The following NLGN1 variants were observed in gnomAD, a reference collection of about 807,000 sequenced individuals.
NLGN1 encodes the protein neuroligin-1.
In NLGN1, 12 loss-of-function variants were observed where a neutral mutation model predicts 65.5. That is an observed-to-expected ratio of 0.18 (90% CI 0.12 to 0.30). The LOEUF (loss-of-function observed/expected upper bound fraction) is 0.30, where lower values mean the gene tolerates loss of function less well. Among genes scored for constraint, NLGN1 ranks in the 10% least tolerant of loss-of-function variants. The pLI is 1.00. For synonymous variants in NLGN1, 350 were observed against 359.5 expected, an observed-to-expected ratio of 0.97 and a Z score of 0.30; for missense variants, 750 against 1,007.1, an observed-to-expected ratio of 0.74 and a Z score of 3.46.
At chr3:173,713,302 A>C (rs1291153434) in intron 3 of NLGN1, among the ~76,000 whole-genome samples, 1 of 152,160 alleles carries the variant, frequency 6.6e-6, no homozygotes, top group Admixed American at 6.5e-5. Context: ...TCTTTATGCA[A>C]TGAAATATTT....
chr3:173,471,468 C>A (rs1725306983), intron 2 of NLGN1, among the ~76,000 whole-genome samples: 1 of 152,032 alleles, frequency 6.6e-6, no homozygotes, highest in South Asian at 2.1e-4. Flanking sequence ...GGCGTTCTAT[C>A]TGTGTATGTA....
chr3:173,725,531 A>C (rs926169013), intron 3 of NLGN1, among the ~76,000 whole-genome samples: 3 of 152,224 alleles, frequency 2.0e-5, no homozygotes, highest in African/African-American at 7.2e-5. Flanking sequence ...CCAAAATATT[A>C]CTGATTTGTT....
At chr3:173,827,145 G>GA (rs998568197) in intron 4 of NLGN1, among the ~76,000 whole-genome samples, 1 of 151,854 alleles carries the variant, frequency 6.6e-6, no homozygotes, top group Non-Finnish European at 1.5e-5. Context: ...GTAAAGGTCA[G>GA]AAAAAAACAA....
intron 4 of NLGN1, among the ~76,000 whole-genome samples, chr3:174,152,390 A>T (rs1442418064): frequency 6.6e-6 from 1 of 152,088 alleles, no homozygotes; most frequent in African/African-American, 2.4e-5. Context: ...TTAAAGATTT[A>T]AAAATACAAA....
intron 3 of NLGN1, among the ~76,000 whole-genome samples, chr3:173,799,176 T>G (rs1452932885): frequency 1.3e-5 from 2 of 152,018 alleles, no homozygotes; most frequent in African/African-American, 4.8e-5. Flanking sequence ...CTTACTGCTA[T>G]GTGATTGGCT....
intron 4 of NLGN1, among the ~76,000 whole-genome samples, chr3:173,858,475 G>T (rs1417372894): frequency 6.6e-6 from 1 of 151,862 alleles, no homozygotes; most frequent in Admixed American, 6.6e-5. Flanking sequence ...TAGGTTCTGG[G>T]TAAAATGCTA....
chr3:173,875,396 G>A (rs1731930144), intron 4 of NLGN1, among the ~76,000 whole-genome samples: 1 of 152,094 alleles, frequency 6.6e-6, no homozygotes, highest in South Asian at 2.1e-4. Context: ...CTATTCATTT[G>A]TAAAAGGGAT....
chr3:173,743,902 T>C (rs900816792), intron 3 of NLGN1, among the ~76,000 whole-genome samples: 1 of 152,152 alleles, frequency 6.6e-6, no homozygotes, highest in Admixed American at 6.6e-5. Context: ...CAGTAAAACA[T>C]GTCAGAGGAG....
At chr3:174,139,807 A>G (rs886408146) in intron 4 of NLGN1, among the ~76,000 whole-genome samples, 8 of 152,160 alleles carry the variant, frequency 5.3e-5, no homozygotes, top group African/African-American at 1.9e-4. Context: ...TGGCCATTCT[A>G]ATAGATATGT....
At chr3:174,047,805 T>TAAA (rs373900247) in intron 4 of NLGN1, among the ~76,000 whole-genome samples, 3 of 145,522 alleles carry the variant, frequency 2.1e-5, no homozygotes, top group Admixed American at 1.4e-4. Context: ...TTTGAGATAG[T>TAAA]AAAAAAAAAA....
chr3:174,040,858 A>T (rs1428938797), intron 4 of NLGN1, among the ~76,000 whole-genome samples: 1 of 152,152 alleles, frequency 6.6e-6, no homozygotes, highest in South Asian at 2.1e-4. Context: ...CTACAAATTT[A>T]TTCATCAATT....
At chr3:173,473,368 G>A (rs1235373852) in intron 2 of NLGN1, among the ~76,000 whole-genome samples, 2 of 152,148 alleles carry the variant, frequency 1.3e-5, no homozygotes, top group East Asian at 1.9e-4. Flanking sequence ...CTATGCATTT[G>A]GATCATTGAC....
chr3:173,403,290 G>A (rs954583892), intron 1 of NLGN1, among the ~76,000 whole-genome samples: 18 of 152,056 alleles, frequency 1.2e-4, no homozygotes, highest in East Asian at 3.9e-4. Flanking sequence ...CTTTGTCATC[G>A]TATACCTATC....
chr3:174,047,774 C>T (rs1733943073), intron 4 of NLGN1, among the ~76,000 whole-genome samples: 1 of 151,062 alleles, frequency 6.6e-6, no homozygotes, highest in Non-Finnish European at 1.5e-5. Flanking sequence ...TATTCTTATC[C>T]TGTTTTATTC....
chr3:174,198,021 G>T (rs1164280930), intron 4 of NLGN1, among the ~76,000 whole-genome samples: 2 of 151,786 alleles, frequency 1.3e-5, no homozygotes, highest in Admixed American at 6.6e-5. Context: ...GATGGTTCCT[G>T]TACTTTTGTG....
At chr3:173,544,262 G>GTGTGTA (rs1188975059) in intron 2 of NLGN1, among the ~76,000 whole-genome samples, 4,936 of 141,966 alleles carry the variant, frequency 0.035, 246 homozygotes, top group African/African-American at 0.12. Context: ...TATATTACGT[G>GTGTGTA]TGTGTGTGTG....
intron 3 of NLGN1, among the ~76,000 whole-genome samples, chr3:173,639,996 A>G (rs1382107043): frequency 1.3e-5 from 2 of 148,186 alleles, no homozygotes; most frequent in African/African-American, 2.5e-5. Context: ...TTTAGCTTTT[A>G]TTGAAAGTCT....
At chr3:174,054,293 A>G (rs1048784999) in intron 4 of NLGN1, among the ~76,000 whole-genome samples, 2 of 152,066 alleles carry the variant, frequency 1.3e-5, no homozygotes, top group African/African-American at 2.4e-5. Context: ...GACTCTTGCT[A>G]TGCAGCAAAT....
At chr3:174,250,965 A>C (rs1744671403) in intron 4 of NLGN1, among the ~76,000 whole-genome samples, 1 of 152,154 alleles carries the variant, frequency 6.6e-6, no homozygotes, top group Admixed American at 6.5e-5. Context: ...CTAATAGGGA[A>C]TCAAGGTTTC....
Sources: allele counts gnomAD v4.1 joint callset (sites outside exome capture counted in the v4.1 genomes callset), GRCh38; gene constraint gnomAD v4.1.1; transcripts MANE v1.5; gene names NCBI Gene and HGNC (gene_info 2026-07-23, HGNC 2026-07-21).